Variants in WWC2 observed in about 807,000 individuals in gnomAD.
WWC2 encodes the protein protein WWC2.
In WWC2, 101 loss-of-function variants were observed where a neutral mutation model predicts 138.5. The observed-to-expected ratio is 0.73, with a 90% CI of 0.62 to 0.86. The LOEUF (loss-of-function observed/expected upper bound fraction) is 0.86. WWC2 is among the 40% of genes least tolerant of loss of function. The probability of loss-of-function intolerance (pLI) is 0.00; values close to 1 mark genes in which losing one functional copy is unlikely to be tolerated. For missense variants in WWC2, 1,420 were observed against 1,419.4 expected, an observed-to-expected ratio of 1.00 and a Z score of -0.01; for synonymous variants, 558 against 538.4, an observed-to-expected ratio of 1.04 and a Z score of -0.50.
At chr4:183,227,434 A>C (rs1372799751) in intron 4 of WWC2, among the ~76,000 whole-genome samples, 1 of 152,118 alleles carries the variant, frequency 6.6e-6, no homozygotes, top group Non-Finnish European at 1.5e-5. Context: ...ACAGAGAACA[A>C]AGAACTGGCA....
At chr4:183,113,459 T>C (rs1465862392) in intron 1 of WWC2, among the ~76,000 whole-genome samples, 5 of 151,120 alleles carry the variant, frequency 3.3e-5, no homozygotes. Flanking sequence ...AGTTTTCAAT[T>C]GAACTGAGGT....
At chr4:183,134,266 A>G (rs537676203) in intron 1 of WWC2, among the ~76,000 whole-genome samples, 31 of 147,126 alleles carry the variant, frequency 2.1e-4, no homozygotes, top group Non-Finnish European at 4.3e-4. Flanking sequence ...CTGTTTCATT[A>G]TTTTCTGTGC....
At chr4:183,114,749 C>T (rs1327443831) in intron 1 of WWC2, among the ~76,000 whole-genome samples, 2 of 150,878 alleles carry the variant, frequency 1.3e-5, no homozygotes, top group Non-Finnish European at 2.9e-5. Flanking sequence ...TAGTGTGTTG[C>T]GGGGGTTTGG....
intron 9 of WWC2, among the ~76,000 whole-genome samples, chr4:183,258,004 C>T (rs953585167): frequency 2.6e-5 from 4 of 152,172 alleles, no homozygotes; most frequent in Admixed American, 1.3e-4. Context: ...AGGCTGAGGA[C>T]GCTCCCTAGT....
chr4:183,208,816 A>G, intron 3 of WWC2, 133 bp from the exon 4 acceptor site: 2 of 615,678 alleles, frequency 3.2e-6, no homozygotes, highest in Non-Finnish European at 5.7e-6. Flanking sequence ...TGTCTGATCA[A>G]TGGCAATAAA....
chr4:183,184,762 A>G (rs1013180431), intron 1 of WWC2, among the ~76,000 whole-genome samples: 2 of 152,172 alleles, frequency 1.3e-5, no homozygotes, highest in African/African-American at 4.8e-5. Flanking sequence ...TACTATTTTT[A>G]TATAAGTTAG....
chr4:183,129,643 GTTCT>G (rs991571881), intron 1 of WWC2, among the ~76,000 whole-genome samples: 12 of 152,160 alleles, frequency 7.9e-5, no homozygotes, highest in East Asian at 3.9e-4. Context: ...CTGTACAGTT[GTTCT>G]TTCTAAGTCT....
chr4:183,269,378 T>A, intron 15 of WWC2: 1 of 711,054 alleles, frequency 1.4e-6, no homozygotes, highest in East Asian at 2.8e-5. Context: ...AATTGTGATT[T>A]TCTGTAAAAG....
intron 1 of WWC2, among the ~76,000 whole-genome samples, chr4:183,157,374 G>A (rs1230981524): frequency 1.3e-5 from 2 of 152,124 alleles, no homozygotes; most frequent in Non-Finnish European, 2.9e-5. Context: ...TCCATTCCCC[G>A]TGATACTAAC....
intron 1 of WWC2, among the ~76,000 whole-genome samples, chr4:183,163,253 G>A (rs1396309651): frequency 6.6e-6 from 1 of 152,202 alleles, no homozygotes; most frequent in African/African-American, 2.4e-5. Context: ...TTGACTGCCA[G>A]TAGCTCCTCA....
intron 1 of WWC2, among the ~76,000 whole-genome samples, chr4:183,147,923 A>C (rs1207217471): frequency 5.9e-5 from 9 of 152,262 alleles, no homozygotes; most frequent in Non-Finnish European, 1.5e-5. Context: ...ATGAATGGCA[A>C]CAGCCTTTAT....
chr4:183,246,872 T>TA (rs34144479), intron 6 of WWC2, among the ~76,000 whole-genome samples: 18 of 149,450 alleles, frequency 1.2e-4, no homozygotes, highest in Admixed American at 8.7e-4. Context: ...GTAGGTCCTT[T>TA]AAAAAAAAAA....
chr4:183,301,468 G>A (rs959443704), intron 21 of WWC2, among the ~76,000 whole-genome samples: 14 of 152,186 alleles, frequency 9.2e-5, no homozygotes, highest in African/African-American at 2.2e-4. Context: ...AAAAATACCT[G>A]GAAAAAGACA....
At chr4:183,193,951 G>A (rs1218168840) in intron 2 of WWC2, among the ~76,000 whole-genome samples, 1 of 152,116 alleles carries the variant, frequency 6.6e-6, no homozygotes. Flanking sequence ...TGCCTGCTGG[G>A]GAATGAGGAT....
chr4:183,249,472 A>T (rs1313025121), intron 7 of WWC2, among the ~76,000 whole-genome samples: 1 of 152,184 alleles, frequency 6.6e-6, no homozygotes, highest in Admixed American at 6.5e-5. Context: ...AGAGATCAAC[A>T]GTAGGGCTTA....
chr4:183,139,742 C>G (rs1469473487), intron 1 of WWC2, among the ~76,000 whole-genome samples: 1 of 152,162 alleles, frequency 6.6e-6, no homozygotes, highest in Non-Finnish European at 1.5e-5. Flanking sequence ...TGCATTCACC[C>G]GTGCCGCCCT....
In WWC2 at chr4:183,320,271, G is replaced by C. The variant is rs1239715791; in HGVS notation, c.*4542G>C. ...CTAACTCCTGCCCTTCGGTTGCTGT[G>C]AAAAGAAGTGTGACACTTGTGTTAT... On this transcript the variant is annotated 3_prime_UTR_variant, in exon 23 of 23. Transcript: ENST00000403733. 4 of 1,482,902 alleles carry C rather than the reference G, an allele frequency of 2.7e-6. No homozygotes were observed. The African/African-American group carries it at 5.6e-5, about 21-fold the overall frequency. 91.9% of individuals were successfully genotyped at this position (1,482,902 alleles called of 1,614,324 possible).
At chr4:183,296,207 A>G (rs1180912138) in intron 21 of WWC2, among the ~76,000 whole-genome samples, 1 of 152,230 alleles carries the variant, frequency 6.6e-6, no homozygotes, top group African/African-American at 2.4e-5. Context: ...TACAAAGCCA[A>G]GTGAAGTTGG....
intron 1 of WWC2, among the ~76,000 whole-genome samples, chr4:183,169,705 A>G (rs916882108): frequency 6.6e-6 from 1 of 152,208 alleles, no homozygotes; most frequent in Admixed American, 6.5e-5. Context: ...TAATTTGTTT[A>G]TATAATATAG....
Sources: allele counts gnomAD v4.1 joint callset (sites outside exome capture counted in the v4.1 genomes callset), GRCh38; gene constraint gnomAD v4.1.1; transcripts MANE v1.5; gene names NCBI Gene and HGNC (gene_info 2026-07-23, HGNC 2026-07-21).